The following CFAP69 variants were observed in gnomAD, a reference collection of about 807,000 sequenced individuals.
The protein encoded by CFAP69 is cilia and flagella associated protein 69.
Under a neutral mutation model 123.0 loss-of-function variants are expected in CFAP69, and 92 were observed. The ratio of observed to expected loss-of-function variants is 0.75; its 90% CI spans 0.63 to 0.89. The LOEUF is 0.89. Ranked by LOEUF, CFAP69 falls within the 40% of genes least tolerant of loss-of-function variation. CFAP69 has a pLI of 0.00. For synonymous variants in CFAP69, 380 were observed against 364.3 expected (o/e 1.04, Z -0.49); for missense variants, 1,067 against 1,096.9 (o/e 0.97, Z 0.39).
rs1793300469 is a variant in CFAP69 at position 90,304,662 on chromosome 7, GATAGATAGATAGATAGA to G, written c.2189-81_2189-65del. Reference sequence around the variant, plus strand: ...AGATAGGTAGATAGATAGATAGATAGATAGATAGATAGATAGATAGATAGATTCTTAGAATCACTTGC... The same window carrying G: ...AGATAGGTAGATAGATAGATAGATAGTAGATAGATTCTTAGAATCACTTGC... On this transcript the variant is annotated intron_variant, in intron 18 of 22. Transcript: ENST00000389297. The G allele has an allele frequency of 9.7e-6, 9 of 926,658 alleles. No individual in the cohort carries two copies. In the Admixed American group the frequency reaches 5.1e-4, roughly 52 times the overall value. 57.4% of individuals were successfully genotyped at this position (926,658 alleles called of 1,614,324 possible). A position where few individuals can be genotyped will look rare whatever the true frequency, so the allele number is the denominator to read the frequency against.
chr7:90,261,957 A>C lies in CFAP69; in HGVS notation c.257A>C (p.Asp86Ala), dbSNP rs1798390350. Residue 86 changes from aspartate to alanine, a missense_variant, in exon 4 of 23, where the codon GAT becomes GCT. By Grantham distance (126) the Asp-to-Ala change is moderately radical (BLOSUM62 -2). Transcript: ENST00000389297. ...QCYQNGLPLR[D>A]LAQIFKILNL... ...CTAAAAATATTAAAGCCATTAAGGGATTTAGCACAGATATTTAAAATTCTG... is the reference window on the plus strand; with the variant it reads ...CTAAAAATATTAAAGCCATTAAGGGCTTTAGCACAGATATTTAAAATTCTG... The C allele has an allele frequency of 6.4e-7, 1 of 1,568,456 alleles. No homozygotes were observed. Among genetic ancestry groups the C allele is most frequent in the East Asian group, 2.3e-5 (1 of 44,014 alleles).
At chr7:90,263,165 A>T (rs1798567205) in intron 4 of CFAP69, among the ~76,000 whole-genome samples, 1 of 152,166 alleles carries the variant, frequency 6.6e-6, no homozygotes, top group African/African-American at 2.4e-5. Flanking sequence ...ATTGTCTATG[A>T]AAACTTGTGA....
At chr7:90,318,822 A>G in the CFAP69 span, 1 of 152,180 alleles carries the variant, frequency 6.6e-6, no homozygotes, top group South Asian at 2.1e-4. Context: ...CCTCATAAAT[A>G]CAAGTTTTCA....
chr7:90,260,084 TA>T (rs1462353857), intron 3 of CFAP69, among the ~76,000 whole-genome samples: 1 of 152,194 alleles, frequency 6.6e-6, no homozygotes, highest in Non-Finnish European at 1.5e-5. Context: ...ATTTTTTTGA[TA>T]ATTTTTTTTA....
intron 7 of CFAP69, 22 bp from the exon 8 acceptor site, chr7:90,271,759 A>C: frequency 6.3e-7 from 1 of 1,577,562 alleles, no homozygotes; most frequent in Non-Finnish European, 8.6e-7. Context: ...AAGCACAAAT[A>C]ATTTTTAAAA....
intron 1 of CFAP69, among the ~76,000 whole-genome samples, chr7:90,250,127 G>C (rs950400540): frequency 6.6e-6 from 1 of 150,816 alleles, no homozygotes; most frequent in African/African-American, 2.4e-5. Flanking sequence ...AGGATCGCTT[G>C]AGCCTAGGAA....
intron 4 of CFAP69, among the ~76,000 whole-genome samples, chr7:90,263,089 TA>T (rs1161780483): frequency 1.3e-5 from 2 of 152,168 alleles, no homozygotes; most frequent in African/African-American, 4.8e-5. Flanking sequence ...TTGCAAATCC[TA>T]GAATGCCAAG....
intron 6 of CFAP69, among the ~76,000 whole-genome samples, chr7:90,269,457 G>C (rs1799642899): frequency 6.6e-6 from 1 of 152,146 alleles, no homozygotes; most frequent in Non-Finnish European, 1.5e-5. Context: ...GCTCAAAGAG[G>C]AGGAAGAAAA....
rs1316375296 is a variant in CFAP69 at position 90,255,550 on chromosome 7, T to C, written c.180+68T>C. The C allele has an allele frequency of 5.1e-6, 6 of 1,182,038 alleles. No individual in the cohort carries two copies. In the Admixed American group the frequency reaches 1.1e-4, roughly 21 times the overall value. The allele number at this position is 1,182,038 out of a possible 1,614,324, so 73.2% of individuals were successfully genotyped here. A position where few individuals can be genotyped will look rare whatever the true frequency, so the allele number is the denominator to read the frequency against. On this transcript the variant is annotated intron_variant, in intron 2 of 22. Coordinates refer to ENST00000389297, the MANE Select transcript of CFAP69 (RefSeq NM_001039706.3). ...CAAACTATTTCCCTGAAAGGTAACA[T>C]ATATTCCTTCAAATGTAAGTCTCAT...
chr7:90,263,729 G>A (rs1798651653), intron 4 of CFAP69, among the ~76,000 whole-genome samples: 1 of 151,814 alleles, frequency 6.6e-6, no homozygotes, highest in Non-Finnish European at 1.5e-5. Flanking sequence ...CCTGTATATT[G>A]CTATTGATAC....
In CFAP69 at chr7:90,307,094, CA is replaced by C; in HGVS notation, c.2463del (p.Ile822TyrfsTer28). ...ATGCAAAATGAACAAAAAGTATATG[CA>C]AAAGTAAGCTACATAGGTAGTGAGG... ...QDMQNEQKVY[A>X]KIQATHKQRE... On this transcript the variant is annotated frameshift_variant, in exon 20 of 23. Transcript: ENST00000389297. LOFTEE classifies it high-confidence loss of function. The C allele has an allele frequency of 6.2e-7, 1 of 1,609,434 alleles. No individual in the cohort carries two copies. Among genetic ancestry groups the C allele is most frequent in the East Asian group, 2.2e-5 (1 of 44,738 alleles).
At chr7:90,274,456 A>G (rs925845670) in intron 9 of CFAP69, among the ~76,000 whole-genome samples, 6 of 152,208 alleles carry the variant, frequency 3.9e-5, no homozygotes, top group African/African-American at 1.4e-4. Context: ...TGCTGGCAAC[A>G]AGTTATCTTA....
At chr7:90,252,387 G>A (rs1339952336) in intron 1 of CFAP69, among the ~76,000 whole-genome samples, 2 of 152,038 alleles carry the variant, frequency 1.3e-5, no homozygotes, top group Admixed American at 6.6e-5. Flanking sequence ...AGTAAAAATG[G>A]CTGGGCATGT....
chr7:90,264,388 T>A (rs1169319670), intron 4 of CFAP69, among the ~76,000 whole-genome samples: 3 of 151,950 alleles, frequency 2.0e-5, no homozygotes, highest in African/African-American at 7.2e-5. Context: ...ATAATTAATA[T>A]TTGTTAACTT....
intron 17 of CFAP69, 107 bp downstream of exon 17, chr7:90,300,166 T>TG (rs1408002583): frequency 8.5e-7 from 1 of 1,174,262 alleles, no homozygotes; most frequent in Non-Finnish European, 1.1e-6. Context: ...TGTCTAAAGT[T>TG]TTTTTTTTTT....
At chr7:90,271,721 GT>G (rs1262865437) in intron 7 of CFAP69, 46 bp downstream of exon 7, 1 of 1,592,918 alleles carries the variant, frequency 6.3e-7, no homozygotes, top group Admixed American at 1.8e-5. Context: ...AACTACTTTT[GT>G]TTATGTCTAA....
At chr7:90,262,403 C>T (rs1482340874) in intron 4 of CFAP69, among the ~76,000 whole-genome samples, 2 of 151,906 alleles carry the variant, frequency 1.3e-5, no homozygotes, top group African/African-American at 4.8e-5. Flanking sequence ...TAGTTTTTTT[C>T]TCTGTCTTTA....
At chr7:90,268,418 G>T (rs1484421737) in intron 6 of CFAP69, 34 bp downstream of exon 6, 1 of 1,422,686 alleles carries the variant, frequency 7.0e-7, no homozygotes, top group Non-Finnish European at 9.9e-7. Flanking sequence ...GTGATAACTT[G>T]TGTATGTAGA....
chr7:90,271,948 G>A lies in CFAP69; in HGVS notation c.850G>A (p.Glu284Lys). 6.2e-7 allele frequency: 1 copy of A among 1,611,086 alleles called. No individual in the cohort carries two copies. The change falls in exon 8 of 23, where the codon GAA becomes AAA. Residue 284 changes from glutamate (E) to lysine (K), a missense_variant. By Grantham distance (56) the Glu-to-Lys change is moderately conservative. Transcript: ENST00000389297. ...AGTCATACAACAGCTTAGTAACTTG[G>A]AATGTTTGCTGTAAGCGTATGTGGT... ...EEVIQQLSNL[E>K]CLLALKEVFK... is the part of the protein sequence containing the mutation.
Sources: gnomAD v4.1 joint callset for allele counts (sites outside exome capture counted in the v4.1 genomes callset) on GRCh38, gnomAD v4.1.1 for gene constraint, MANE v1.5 for transcripts, NCBI Gene and HGNC (gene_info 2026-07-23, HGNC 2026-07-21) for gene names.